PIH1D1: variants seen among roughly 807,000 people sequenced by gnomAD.
PIH1D1 encodes the protein PIH1 domain containing 1.
In PIH1D1, 28 loss-of-function variants were observed where a neutral mutation model predicts 38.5. The ratio of observed to expected loss-of-function variants is 0.73; its 90% CI spans 0.54 to 1.00. The LOEUF is 1.00. PIH1D1 is among the 50% of genes least tolerant of loss of function. The pLI, the probability that PIH1D1 is intolerant of heterozygous loss-of-function variation, is 0.00. For synonymous variants in PIH1D1, 155 were observed against 153.5 expected (o/e 1.01, Z -0.07); for missense variants, 343 against 369.9 (o/e 0.93, Z 0.60).
intron 2 of PIH1D1, among the ~76,000 whole-genome samples, chr19:49,450,401 TATCTTTG>T (rs959052485): frequency 7.2e-6 from 1 of 138,558 alleles, no homozygotes; most frequent in Non-Finnish European, 1.7e-5. Context: ...CCTCTCTTCC[TATCTTTG>T]TTGTTGTTGT....
Position 49,451,711 on chromosome 19 carries a change from C to T in PIH1D1, c.-137G>A. The T allele has an allele frequency of 6.9e-7, 1 of 1,448,256 alleles. No individual in the cohort carries two copies. The highest frequency in any genetic ancestry group is 1.4e-5 in the South Asian group (1 of 71,042). The allele number at this position is 1,448,256 out of a possible 1,614,324, so 89.7% of individuals were successfully genotyped here. A position where few individuals can be genotyped will look rare whatever the true frequency, so the allele number is the denominator to read the frequency against. On this transcript the variant is annotated 5_prime_UTR_variant, in exon 1 of 9. Transcript: ENST00000262265. Reference sequence around the variant, plus strand: ...ATCCTGTTCAAAAACCTAAGACTGGCCTAAGACTACATTTCCATTCAAGAC... The same window carrying T: ...ATCCTGTTCAAAAACCTAAGACTGGTCTAAGACTACATTTCCATTCAAGAC...
At chr19:49,450,458 A>G (rs963536219) in intron 2 of PIH1D1, among the ~76,000 whole-genome samples, 1 of 151,918 alleles carries the variant, frequency 6.6e-6, no homozygotes, top group Non-Finnish European at 1.5e-5. Context: ...TCGCTCTGTC[A>G]CCCAGGCTGC....
At chr19:49,447,666 A>C (rs2079032664) in intron 5 of PIH1D1, 161 bp downstream of exon 5, 4 of 935,480 alleles carry the variant, frequency 4.3e-6, no homozygotes, top group Non-Finnish European at 6.6e-6. Flanking sequence ...ACCCCTGGAG[A>C]TGTTCCTGGC....
chr19:49,449,259 G>A (rs1427116942), intron 3 of PIH1D1: 3 of 684,064 alleles, frequency 4.4e-6, no homozygotes, highest in Admixed American at 2.0e-5. Context: ...CCTGGAGTGG[G>A]GCATGGAAAA....
chr19:49,451,681 C>A lies in PIH1D1; in HGVS notation c.-107G>T. On this transcript the variant is annotated 5_prime_UTR_variant, in exon 1 of 9. The change creates a new upstream start codon in the 5' untranslated region. Coordinates refer to ENST00000262265, the MANE Select transcript of PIH1D1 (RefSeq NM_017916.3). ...CTGGCCCTCAATCGACTCCGGATAC[C>A]TACTATCCTGTTCAAAAACCTAAGA... 1 of 1,504,380 alleles carries A rather than the reference C, an allele frequency of 6.6e-7. No individual in the cohort carries two copies. 93.2% of individuals were successfully genotyped at this position (1,504,380 alleles called of 1,614,324 possible).
rs2079062910 is a variant in PIH1D1 at position 49,451,780 on chromosome 19, G to T, written c.-206C>A. On this transcript the variant is annotated 5_prime_UTR_variant, in exon 1 of 9. Transcript: ENST00000262265. ...CCGTGGGGAATATGTGTCTCTAGAC[G>T]CACTACCCTCCGTCCTACGTGCCGA... The T allele has an allele frequency of 2.9e-6, 4 of 1,381,632 alleles. No individual in the cohort carries two copies. In the African/African-American group the frequency reaches 5.8e-5, roughly 20 times the overall value. 85.6% of individuals were successfully genotyped at this position (1,381,632 alleles called of 1,614,324 possible). A position where few individuals can be genotyped will look rare whatever the true frequency, so the allele number is the denominator to read the frequency against.
intron 2 of PIH1D1, 38 bp from the exon 3 acceptor site, chr19:49,449,692 C>T (rs747375914): frequency 2.6e-6 from 4 of 1,552,776 alleles, no homozygotes. Flanking sequence ...TCCTTTTCTG[C>T]ACAAGTCCCA....
chr19:49,447,746 C>G (rs1228117356), intron 5 of PIH1D1, 81 bp downstream of exon 5: 1 of 1,433,660 alleles, frequency 7.0e-7, no homozygotes, highest in African/African-American at 1.4e-5. Flanking sequence ...CCTGCCCAAG[C>G]CAGCCCCTCC....
chr19:49,449,188 TCAGGACTAAAGC>T (rs1414261113), intron 3 of PIH1D1: 2 of 562,722 alleles, frequency 3.6e-6, no homozygotes, highest in East Asian at 7.3e-5. Flanking sequence ...GACAGCAGGC[TCAGGACTAAAGC>T]CAGGAGATCC....
At chr19:49,449,755 CT>C in intron 2 of PIH1D1, 101 bp from the exon 3 acceptor site, 2 of 967,634 alleles carry the variant, frequency 2.1e-6, no homozygotes, top group Non-Finnish European at 3.0e-6. Context: ...CCCTGTCCCC[CT>C]TTTTTGTTCC....
intron 3 of PIH1D1, 29 bp from the exon 4 acceptor site, chr19:49,448,091 C>A (rs750861021): frequency 6.2e-7 from 1 of 1,611,922 alleles, no homozygotes. Flanking sequence ...GGTGAGGACC[C>A]CCCAGCCCTC....
chr19:49,451,480 T>C lies in PIH1D1; in HGVS notation c.90+5A>G, dbSNP rs1008730565. On this transcript the variant is annotated splice_donor_5th_base_variant and intron_variant, in intron 1 of 8. Transcript: ENST00000262265. ...CTCAAGGATCCAGGGGTCCGGTCAC[T>C]GCACCTGCAGCAGCAGCTCCTCAAA... The C allele has an allele frequency of 6.8e-6, 11 of 1,613,644 alleles. No homozygotes were observed. Among genetic ancestry groups the C allele is most frequent in the Non-Finnish European group, 8.5e-6 (10 of 1,179,960 alleles).
chr19:49,446,628 G>A lies in PIH1D1; in HGVS notation c.754C>T (p.Leu252=), dbSNP rs746673007. The A allele has an allele frequency of 3.7e-6, 6 of 1,608,974 alleles. No homozygotes were observed. The East Asian group carries it at 1.3e-4, about 36-fold the overall frequency. The stretch of plus-strand genomic sequence containing the variant: ...GGGATATAAGCGTCTAGATGATACA[G>A]CTGCTGGGGGCCCCCCATCACCAGG... ...NRLVMGGPQQ[L]YHLDAYIPLQ... Residue 252 remains leucine, a synonymous_variant, in exon 8 of 9, where the codon CTG becomes TTG. Transcript: ENST00000262265.
chr19:49,446,616 C>A lies in PIH1D1; in HGVS notation c.766G>T (p.Asp256Tyr). Residue 256 changes from aspartate to tyrosine, a missense_variant, in exon 8 of 9, where the codon GAC becomes TAC. Physicochemically the swap from Asp to Tyr is radical, Grantham distance 160. Coordinates refer to ENST00000262265, the MANE Select transcript of PIH1D1 (RefSeq NM_017916.3). ...MGGPQQLYHL[D>Y]AYIPLQINSH... ...TTGATCTGCAGCGGGATATAAGCGT[C>A]TAGATGATACAGCTGCTGGGGGCCC... The A allele has an allele frequency of 2.5e-6, 4 of 1,612,194 alleles. No homozygotes were observed. Among genetic ancestry groups the A allele is most frequent in the Non-Finnish European group, 3.4e-6 (4 of 1,179,206 alleles).
At chr19:49,449,681 A>G (rs772411677) in intron 2 of PIH1D1, 27 bp from the exon 3 acceptor site, 1 of 1,591,554 alleles carries the variant, frequency 6.3e-7, no homozygotes, top group South Asian at 1.1e-5. Context: ...AGTCATGACA[A>G]TCCTTTTCTG....
rs1267852869 is a variant in PIH1D1 at position 49,451,465 on chromosome 19, C to G, written c.90+20G>C. ...CAAAATCCCCGAATACTCAAGGATC[C>G]AGGGGTCCGGTCACTGCACCTGCAG... On this transcript the variant is annotated intron_variant, in intron 1 of 8. Transcript: ENST00000262265. 2 of 1,613,520 alleles carry G rather than the reference C, an allele frequency of 1.2e-6. No individual in the cohort carries two copies. The highest frequency in any genetic ancestry group is 1.7e-6 in the Non-Finnish European group (2 of 1,179,908).
intron 1 of PIH1D1, 163 bp from the exon 2 acceptor site, chr19:49,451,011 CCCCATT>C (rs2079055443): frequency 6.3e-6 from 8 of 1,268,678 alleles, no homozygotes; most frequent in Middle Eastern, 2.1e-4. Flanking sequence ...ACAACCCCAA[CCCCATT>C]CCCATTTCTT....
In PIH1D1 at chr19:49,451,621, A is replaced by G; in HGVS notation, c.-47T>C. 6.2e-7 allele frequency: 1 copy of G among 1,605,686 alleles called. No individual in the cohort carries two copies. The highest frequency in any genetic ancestry group is 8.5e-7 in the Non-Finnish European group (1 of 1,178,378). On this transcript the variant is annotated 5_prime_UTR_variant, in exon 1 of 9. Transcript: ENST00000262265. ...GCGTCCTCGAGACCCTCAACGTGGG[A>G]AACTTTGCCCAGGATCCGAACCCCA...
At chr19:49,448,988 CTG>C (rs1207306942) in intron 3 of PIH1D1, 2 of 313,554 alleles carry the variant, frequency 6.4e-6, no homozygotes, top group African/African-American at 2.2e-5. Flanking sequence ...GGTCAGGAGT[CTG>C]AGACCAGCCA....
Sources: gnomAD v4.1 joint callset for allele counts (sites outside exome capture counted in the v4.1 genomes callset) on GRCh38, gnomAD v4.1.1 for gene constraint, MANE v1.5 for transcripts, NCBI Gene and HGNC (gene_info 2026-07-23, HGNC 2026-07-21) for gene names.